Variants in OPRM1 observed in about 807,000 individuals in gnomAD.
The protein encoded by OPRM1 is opioid receptor mu 1.
A neutral mutation model predicts 31.8 loss-of-function variants in OPRM1; 27 were observed. The ratio of observed to expected loss-of-function variants is 0.85; its 90% confidence interval spans 0.63 to 1.17. The LOEUF is 1.17. Ranked by LOEUF, OPRM1 falls within the 50% of genes most tolerant of loss-of-function variation. The pLI, the probability that OPRM1 is intolerant of heterozygous loss-of-function variation, is 0.00. For missense variants in OPRM1, 536 were observed against 511.1 expected (o/e 1.05, Z -0.47); for synonymous variants, 196 against 189.9 (o/e 1.03, Z -0.26).
chr6:154,019,273 G>T (rs1778200204), intron 1 of OPRM1, among the ~76,000 whole-genome samples: 1 of 149,398 alleles, frequency 6.7e-6, no homozygotes, highest in African/African-American at 2.5e-5. Flanking sequence ...GCAAAATAGA[G>T]CAGAAAATGC....
intron 3 of OPRM1, among the ~76,000 whole-genome samples, chr6:154,115,971 G>A (rs1437080513): frequency 1.3e-5 from 2 of 152,130 alleles, no homozygotes; most frequent in African/African-American, 4.8e-5. Context: ...CCCTTTGGAG[G>A]GGCTTGGTTT....
chr6:154,098,032 C>G (rs980451970), intron 3 of OPRM1, among the ~76,000 whole-genome samples: 3 of 152,076 alleles, frequency 2.0e-5, no homozygotes, highest in African/African-American at 7.2e-5. Flanking sequence ...GTGTTCGAGA[C>G]CAACCTGGCC....
chr6:154,209,851 T>C (rs978112464), intron 3 of OPRM1, among the ~76,000 whole-genome samples: 12 of 152,170 alleles, frequency 7.9e-5, no homozygotes, highest in African/African-American at 2.9e-4. Flanking sequence ...TCAACGTTTA[T>C]CTGACGATTT....
intron 3 of OPRM1, among the ~76,000 whole-genome samples, chr6:154,202,464 C>A (rs1374452074): frequency 6.6e-6 from 1 of 152,144 alleles, no homozygotes. Context: ...ACAAAAATAT[C>A]CATTCTGGAC....
chr6:154,085,954 T>C (rs1487423813), intron 1 of OPRM1, among the ~76,000 whole-genome samples: 1 of 146,002 alleles, frequency 6.8e-6, no homozygotes, highest in African/African-American at 2.6e-5. Flanking sequence ...GTGGTACGAT[T>C]CTCCTGCCTC....
At chr6:154,067,669 A>T (rs996408912) in intron 1 of OPRM1, among the ~76,000 whole-genome samples, 3 of 151,960 alleles carry the variant, frequency 2.0e-5, no homozygotes, top group African/African-American at 7.2e-5. Context: ...TGTTAAACCT[A>T]GTTGGTTTGT....
At chr6:154,058,583 G>A (rs879349655) in intron 1 of OPRM1, among the ~76,000 whole-genome samples, 3 of 152,090 alleles carry the variant, frequency 2.0e-5, no homozygotes, top group Non-Finnish European at 2.9e-5. Context: ...TGCTTAATCT[G>A]GGCTCATATT....
chr6:154,097,189 T>A (rs1036350123), intron 3 of OPRM1, among the ~76,000 whole-genome samples: 5 of 152,270 alleles, frequency 3.3e-5, no homozygotes, highest in African/African-American at 1.2e-4. Context: ...CATGTCCTGC[T>A]AATTCCTTTC....
At chr6:154,180,452 C>T (rs1800769255) in intron 3 of OPRM1, among the ~76,000 whole-genome samples, 1 of 146,668 alleles carries the variant, frequency 6.8e-6, no homozygotes, top group Admixed American at 7.0e-5. Context: ...GTGACATTAG[C>T]AAATGAGACA....
chr6:154,075,242 T>G (rs1245598893), intron 1 of OPRM1, among the ~76,000 whole-genome samples: 6 of 152,130 alleles, frequency 3.9e-5, no homozygotes, highest in Admixed American at 1.3e-4. Context: ...AGAGGTTACA[T>G]CCTCAACTTA....
rs1178911158 is a variant in OPRM1, at chr6:154,119,418, A to C, written c.*697A>C. ...CTGCAAATACTTCCAAAGAGTCATC[A>C]TGGGGGATTTTTCATTCTTAGGCTT... On this transcript the variant is annotated 3_prime_UTR_variant, in exon 4 of 4. Transcript: ENST00000330432. The C allele has an allele frequency of 1.0e-6, 1 of 985,292 alleles. No homozygotes were observed. 61.0% of individuals were successfully genotyped at this position (985,292 alleles called of 1,614,324 possible).
At chr6:154,062,865 T>G (rs1203772063) in intron 1 of OPRM1, among the ~76,000 whole-genome samples, 1 of 152,076 alleles carries the variant, frequency 6.6e-6, no homozygotes, top group Non-Finnish European at 1.5e-5. Context: ...ATCAACAGTT[T>G]GGACAAATCG....
chr6:154,093,482 G>T (rs1357605589), intron 3 of OPRM1: 1 of 1,610,530 alleles, frequency 6.2e-7, no homozygotes, highest in East Asian at 2.2e-5. Context: ...CACTGCCCTT[G>T]ACTCCCTTCC....
rs896102608 is a variant in OPRM1 at position 154,121,506 on chromosome 6, C to T, written c.*2785C>T. Among the ~76,000 whole-genome samples the T allele has an allele frequency of 6.6e-6, 1 of 152,174 alleles. No homozygotes were observed. The highest frequency in any genetic ancestry group is 1.5e-5 in the Non-Finnish European group (1 of 68,026). ...ATAGACAGTTGAAGTTTTAAAATAA[C>T]CTCTTCTAAGACACGGCTATGAGTA... On this transcript the variant is annotated 3_prime_UTR_variant, in exon 4 of 4. Transcript: ENST00000330432.
At chr6:154,192,525 C>T (rs1801994614) in intron 3 of OPRM1, among the ~76,000 whole-genome samples, 1 of 151,984 alleles carries the variant, frequency 6.6e-6, no homozygotes, top group African/African-American at 2.4e-5. Context: ...CTTAATTAAA[C>T]CAAAAAGCTT....
chr6:154,060,728 A>G (rs1361884537), intron 1 of OPRM1, among the ~76,000 whole-genome samples: 1 of 152,214 alleles, frequency 6.6e-6, no homozygotes, highest in Non-Finnish European at 1.5e-5. Context: ...GACACTAGCC[A>G]TAATAACAGG....
At chr6:154,234,674 T>C (rs1779978784) in intron 3 of OPRM1, among the ~76,000 whole-genome samples, 1 of 152,204 alleles carries the variant, frequency 6.6e-6, no homozygotes, top group East Asian at 1.9e-4. Flanking sequence ...TCACCTCTTC[T>C]AGCTAGCCAC....
At chr6:154,115,887 G>A (rs1583609184) in intron 3 of OPRM1, among the ~76,000 whole-genome samples, 1 of 152,316 alleles carries the variant, frequency 6.6e-6, no homozygotes, top group African/African-American at 2.4e-5. Flanking sequence ...GAGTTTCTTT[G>A]GCGATCATCC....
Position 154,039,845 on chromosome 6 carries a change from C to G in OPRM1, c.290+11C>G, listed in dbSNP as rs199687709. ...GTATGTGATTGTCAGGTAAGGAAAGCGCCAGGGCTCCGAGCGGAGGGTTCA... is the reference window on the plus strand; with the variant it reads ...GTATGTGATTGTCAGGTAAGGAAAGGGCCAGGGCTCCGAGCGGAGGGTTCA... On this transcript the variant is annotated intron_variant, in intron 1 of 3. Coordinates refer to ENST00000330432, the MANE Select transcript of OPRM1 (RefSeq NM_000914.5). 15 of 1,563,900 alleles carry G rather than the reference C, an allele frequency of 9.6e-6. No homozygotes were observed. The highest frequency in any genetic ancestry group is 1.1e-5 in the Non-Finnish European group (13 of 1,158,012).
Sources: gnomAD v4.1 joint callset for allele counts (sites outside exome capture counted in the v4.1 genomes callset) on GRCh38, gnomAD v4.1.1 for gene constraint, MANE v1.5 for transcripts, NCBI Gene and HGNC (gene_info 2026-07-23, HGNC 2026-07-21) for gene names.